CTNNA3: variants seen among roughly 807,000 people sequenced by gnomAD.
The protein encoded by CTNNA3 is catenin alpha-3.
A neutral mutation model predicts 95.7 loss-of-function variants in CTNNA3; 76 were observed. That is an observed-to-expected ratio of 0.79 (90% confidence interval 0.66 to 0.96). CTNNA3 has a LOEUF of 0.96. Among genes scored for constraint, CTNNA3 ranks in the 40% least tolerant of loss-of-function variants. CTNNA3 has a pLI of 0.00. For synonymous variants in CTNNA3, 431 were observed against 374.4 expected, an observed-to-expected ratio of 1.15 and a Z score of -1.74; for missense variants, 1,191 against 1,089.8, an observed-to-expected ratio of 1.09 and a Z score of -1.31.
At chr10:66,478,937 C>T (rs886972617) in intron 11 of CTNNA3, among the ~76,000 whole-genome samples, 1 of 151,788 alleles carries the variant, frequency 6.6e-6, no homozygotes, top group African/African-American at 2.4e-5. Context: ...CATTTTCCCC[C>T]TTATAGATAA....
At chr10:67,658,335 C>T (rs1385797000) in intron 1 of CTNNA3, among the ~76,000 whole-genome samples, 1 of 152,170 alleles carries the variant, frequency 6.6e-6, no homozygotes, top group Non-Finnish European at 1.5e-5. Context: ...TGACACCTGG[C>T]AGGGGCTCAA....
intron 7 of CTNNA3, among the ~76,000 whole-genome samples, chr10:66,954,551 C>T (rs1564791866): frequency 6.6e-6 from 1 of 152,072 alleles, no homozygotes; most frequent in Non-Finnish European, 1.5e-5. Flanking sequence ...ACTGGTCATG[C>T]CCCATGGATG....
intron 7 of CTNNA3, among the ~76,000 whole-genome samples, chr10:67,072,475 G>A (rs1028602639): frequency 1.3e-5 from 2 of 152,154 alleles, no homozygotes; most frequent in African/African-American, 2.4e-5. Flanking sequence ...AGTTAAAGAA[G>A]AACTACAGAA....
At chr10:67,511,691 A>G (rs185615026) in intron 5 of CTNNA3, among the ~76,000 whole-genome samples, 126 of 152,314 alleles carry the variant, frequency 8.3e-4, no homozygotes, top group African/African-American at 2.8e-3. Flanking sequence ...CTTTGGTATC[A>G]GGATGATGCT....
intron 5 of CTNNA3, among the ~76,000 whole-genome samples, chr10:67,441,152 A>G (rs1846496378): frequency 6.6e-6 from 1 of 152,140 alleles, no homozygotes; most frequent in East Asian, 1.9e-4. Flanking sequence ...AAAAAATGCA[A>G]TTGACAAACT....
intron 1 of CTNNA3, among the ~76,000 whole-genome samples, chr10:67,726,644 A>G (rs1457020610): frequency 2.3e-5 from 2 of 85,558 alleles, no homozygotes; most frequent in Non-Finnish European, 4.0e-5. Context: ...TATATAATAT[A>G]TACTATAATA....
At chr10:67,760,090 G>C (rs191557244) in intron 1 of CTNNA3, among the ~76,000 whole-genome samples, 4 of 152,254 alleles carry the variant, frequency 2.6e-5, no homozygotes, top group South Asian at 2.1e-4. Flanking sequence ...CCCATTCCTT[G>C]GCCAGAGGAG....
intron 7 of CTNNA3, among the ~76,000 whole-genome samples, chr10:67,171,845 G>A (rs1394308605): frequency 1.3e-5 from 2 of 151,968 alleles, no homozygotes; most frequent in East Asian, 3.9e-4. Flanking sequence ...ATGATATGAG[G>A]GACTCATAAC....
chr10:66,150,541 G>A (rs1281707289), intron 13 of CTNNA3, among the ~76,000 whole-genome samples: 1 of 150,930 alleles, frequency 6.6e-6, no homozygotes, highest in Admixed American at 6.6e-5. Context: ...ATATTTATGG[G>A]CTACATGTAA....
intron 7 of CTNNA3, among the ~76,000 whole-genome samples, chr10:67,078,275 C>A (rs1211678198): frequency 6.6e-6 from 1 of 152,186 alleles, no homozygotes; most frequent in Non-Finnish European, 1.5e-5. Flanking sequence ...ATGTGTACTT[C>A]CAAGACTGTA....
At chr10:67,185,714 T>C (rs529754358) in intron 6 of CTNNA3, among the ~76,000 whole-genome samples, 56 of 152,044 alleles carry the variant, frequency 3.7e-4, no homozygotes, top group African/African-American at 1.3e-3. Flanking sequence ...CACTACAATG[T>C]TTCATAACAA....
At chr10:66,524,914 TG>T (rs1257381119) in intron 10 of CTNNA3, among the ~76,000 whole-genome samples, 1 of 151,996 alleles carries the variant, frequency 6.6e-6, no homozygotes, top group African/African-American at 2.4e-5. Context: ...CTGGGCGTGG[TG>T]GTGCATGCCT....
intron 3 of CTNNA3, among the ~76,000 whole-genome samples, chr10:67,553,480 G>C (rs945343928): frequency 6.6e-6 from 1 of 152,070 alleles, no homozygotes; most frequent in Non-Finnish European, 1.5e-5. Flanking sequence ...AATTAACTGA[G>C]AGAGTCTTTA....
In CTNNA3 at chr10:66,737,232, T is replaced by C. The variant is rs78541952; in HGVS notation, c.1281+29032A>G. 1.9e-3 allele frequency among the ~76,000 whole-genome samples: 287 copies of C among 152,324 alleles called. 3 individuals are homozygous for C. Among genetic ancestry groups the C allele is most frequent in the South Asian group, 0.014 (68 of 4,826 alleles). ...AATTTTCAGTATTTGACAAGATATTTTGAGGATACAGTTGTTGATTATGAC... is the reference window on the plus strand; with the variant it reads ...AATTTTCAGTATTTGACAAGATATTCTGAGGATACAGTTGTTGATTATGAC... On this transcript the variant is annotated intron_variant, in intron 9 of 17. Transcript: ENST00000433211.
intron 5 of CTNNA3, among the ~76,000 whole-genome samples, chr10:67,305,784 A>C (rs1046626240): frequency 2.0e-5 from 3 of 152,188 alleles, no homozygotes; most frequent in Non-Finnish European, 4.4e-5. Flanking sequence ...CCTGGTGACT[A>C]TCTGGTTGAG....
At chr10:67,377,060 A>T (rs1484978132) in intron 5 of CTNNA3, among the ~76,000 whole-genome samples, 1 of 152,240 alleles carries the variant, frequency 6.6e-6, no homozygotes, top group Non-Finnish European at 1.5e-5. Context: ...CACAGATAAA[A>T]GTGCTCTCTT....
intron 5 of CTNNA3, among the ~76,000 whole-genome samples, chr10:67,476,062 A>G (rs1847998142): frequency 6.6e-6 from 1 of 152,224 alleles, no homozygotes; most frequent in Non-Finnish European, 1.5e-5. Flanking sequence ...TCTTTTCCAT[A>G]TTTAACTGAA....
intron 13 of CTNNA3, among the ~76,000 whole-genome samples, chr10:66,207,646 C>A (rs1346012990): frequency 6.6e-6 from 1 of 151,860 alleles, no homozygotes; most frequent in Non-Finnish European, 1.5e-5. Flanking sequence ...AAAACTGTTG[C>A]GTTTTACATT....
chr10:67,559,830 C>G (rs557560049), intron 3 of CTNNA3, among the ~76,000 whole-genome samples: 1 of 151,930 alleles, frequency 6.6e-6, no homozygotes, highest in Admixed American at 6.6e-5. Context: ...TCGAGAATTA[C>G]GTGAAGAATG....
Sources: gnomAD v4.1 joint callset for allele counts (sites outside exome capture counted in the v4.1 genomes callset) on GRCh38, gnomAD v4.1.1 for gene constraint, MANE v1.5 for transcripts, NCBI Gene and HGNC (gene_info 2026-07-23, HGNC 2026-07-21) for gene names.